The following KCNH6 variants were observed in gnomAD, a reference collection of about 807,000 sequenced individuals.
KCNH6 encodes the protein voltage-gated inwardly rectifying potassium channel KCNH6.
In KCNH6, 81 loss-of-function variants were observed where a neutral mutation model predicts 83.4. The observed-to-expected ratio is 0.97, with a 90% CI of 0.81 to 1.17. KCNH6 has a LOEUF of 1.17. Ranked by LOEUF, KCNH6 falls within the 50% of genes most tolerant of loss-of-function variation. The pLI is 0.00. For synonymous variants in KCNH6, 503 were observed against 545.6 expected (o/e 0.92, Z 1.09); for missense variants, 1,203 against 1,290.5 (o/e 0.93, Z 1.04).
chr17:63,524,467 A>C, intron 2 of KCNH6, 98 bp downstream of exon 2: 1 of 977,366 alleles, frequency 1.0e-6, no homozygotes, highest in Non-Finnish European at 1.6e-6. Flanking sequence ...CCAGGGTCCA[A>C]AGGGCCTGAA....
intron 6 of KCNH6, chr17:63,536,290 G>A: frequency 1.8e-6 from 1 of 564,862 alleles, no homozygotes; most frequent in Non-Finnish European, 3.1e-6. Context: ...CACCAAGACA[G>A]GCTACATAAT....
chr17:63,535,080 CTG>C lies in KCNH6; in HGVS notation c.1102-588_1102-587del, dbSNP rs2032393511. ...CCTACCTGACCCTGTGTTCCACCCT[CTG>C]GGGTGTACAGGGTCCTCAGAATTTT... is the stretch of plus-strand genomic sequence containing the variant. On this transcript the variant is annotated intron_variant, in intron 5 of 12. Transcript: ENST00000314672. The surrounding 1 kb of genome is among the most constrained non-coding windows in gnomAD (Gnocchi z 4.9). Among the ~76,000 whole-genome samples, 1 of 152,184 alleles carries C rather than the reference CTG, an allele frequency of 6.6e-6. No individual in the cohort carries two copies. Among genetic ancestry groups the C allele is most frequent in the South Asian group, 2.1e-4 (1 of 4,828 alleles).
rs764181239 is a variant in KCNH6, at chr17:63,523,901, C to T, written c.77-238C>T. Among the ~76,000 whole-genome samples the T allele has an allele frequency of 4.6e-5, 7 of 152,074 alleles. No individual in the cohort carries two copies. Among genetic ancestry groups the T allele is most frequent in the Non-Finnish European group, 1.0e-4 (7 of 68,008 alleles). ...GACCCCCATCTGGTCACATCCCTGC[C>T]TCCCTTCCCCACACTTTTCCTGTTT... On this transcript the variant is annotated intron_variant, in intron 1 of 12. Transcript: ENST00000314672. This position sits in a 1 kb window ranked among gnomAD's most constrained non-coding sequence, Gnocchi z 4.2.
Position 63,546,183 on chromosome 17 carries a change from G to A in KCNH6, c.*281G>A, listed in dbSNP as rs1279350099. On this transcript the variant is annotated 3_prime_UTR_variant, in exon 13 of 13. Coordinates refer to ENST00000314672, the MANE Select transcript of KCNH6 (RefSeq NM_001278919.2). The stretch of plus-strand genomic sequence containing the variant: ...TGAACCCGGGAGGTGGAGGTTGCAG[G>A]GAGCCGAGGCCGCACCACTGCACTC... 1 of 317,222 alleles carries A rather than the reference G, an allele frequency of 3.2e-6. No homozygotes were observed. Among genetic ancestry groups the A allele is most frequent in the Admixed American group, 4.2e-5 (1 of 23,680 alleles). 19.7% of individuals were successfully genotyped at this position (317,222 alleles called of 1,614,324 possible).
chr17:63,530,137 G>GGAC lies in KCNH6; in HGVS notation c.356_358dup (p.Asp119dup), dbSNP rs1568068515. 1 of 1,614,062 alleles carries GGAC rather than the reference G, an allele frequency of 6.2e-7. No homozygotes were observed. The highest frequency in any genetic ancestry group is 1.1e-5 in the South Asian group (1 of 91,062). Reference sequence around the variant, plus strand: ...TAGATGTGGTGCCCGTGAAGAACGAGGACGGGGCTGTCATCATGTTCATTC... The same window carrying GGAC: ...TAGATGTGGTGCCCGTGAAGAACGAGGACGACGGGGCTGTCATCATGTTCATTC... On this transcript the variant is annotated inframe_insertion, in exon 3 of 13. Coordinates refer to ENST00000314672, the MANE Select transcript of KCNH6 (RefSeq NM_001278919.2).
chr17:63,527,552 T>A (rs534262001), intron 2 of KCNH6, among the ~76,000 whole-genome samples: 2 of 152,120 alleles, frequency 1.3e-5, no homozygotes, highest in Admixed American at 1.3e-4. Flanking sequence ...TAAGAAGGAA[T>A]GGGAATTCCC....
rs2032346086 is a variant in KCNH6, at chr17:63,534,395, G to A, written c.1101+84G>A. ...CCCTCCCTGCTGCACAGCACTGGGT[G>A]CGGAGAGTATCTGGCACTGGGCACC... On this transcript the variant is annotated intron_variant, in intron 5 of 12. Coordinates refer to ENST00000314672, the MANE Select transcript of KCNH6 (RefSeq NM_001278919.2). This position sits in a 1 kb window ranked among gnomAD's most constrained non-coding sequence, Gnocchi z 5.0. 1.5e-6 allele frequency: 2 copies of A among 1,372,540 alleles called. No homozygotes were observed. The highest frequency in any genetic ancestry group is 2.0e-6 in the Non-Finnish European group (2 of 1,005,570). 85.0% of individuals were successfully genotyped at this position (1,372,540 alleles called of 1,614,324 possible).
At position 63,523,716 on chromosome 17, in the gene KCNH6, C is replaced by T. The variant is rs2031497080; in HGVS notation, c.76+227C>T. 6.6e-6 allele frequency among the ~76,000 whole-genome samples: 1 copy of T among 152,132 alleles called. No individual in the cohort carries two copies. Among genetic ancestry groups the T allele is most frequent in the Non-Finnish European group, 1.5e-5 (1 of 68,024 alleles). On this transcript the variant is annotated intron_variant, in intron 1 of 12. Coordinates refer to ENST00000314672, the MANE Select transcript of KCNH6 (RefSeq NM_001278919.2). The surrounding 1 kb of genome is among the most constrained non-coding windows in gnomAD (Gnocchi z 4.2). Reference sequence around the variant, plus strand: ...ACAAGGAGCAGCGTGCAGGCCTTCCCTCCCTACTGCCAGCTGTTTCCTTGG... The same window carrying T: ...ACAAGGAGCAGCGTGCAGGCCTTCCTTCCCTACTGCCAGCTGTTTCCTTGG...
intron 6 of KCNH6, among the ~76,000 whole-genome samples, chr17:63,536,943 ACTCCGT>A (rs2032536162): frequency 9.0e-6 from 1 of 111,144 alleles, no homozygotes; most frequent in Non-Finnish European, 1.7e-5. Context: ...ACAGAGCAAG[ACTCCGT>A]CTCAAAAAAA....
chr17:63,525,989 A>G (rs1345744305), intron 2 of KCNH6, among the ~76,000 whole-genome samples: 2 of 152,184 alleles, frequency 1.3e-5, no homozygotes, highest in African/African-American at 4.8e-5. Flanking sequence ...TAGGGATGTC[A>G]GGTGATGGCT....
In KCNH6 at chr17:63,538,041, G is replaced by C; in HGVS notation, c.1502-24G>C. The C allele has an allele frequency of 6.2e-7, 1 of 1,607,756 alleles. No individual in the cohort carries two copies. The highest frequency in any genetic ancestry group is 8.5e-7 in the Non-Finnish European group (1 of 1,178,090). On this transcript the variant is annotated intron_variant, in intron 6 of 12. Transcript: ENST00000314672. This position sits in a 1 kb window ranked among gnomAD's most constrained non-coding sequence, Gnocchi z 4.0. ...TGTGGCCCAGTGGGGCCGCGGAGGA[G>C]CTCACTCTCCGCCCCGCCCCCAGCC...
intron 8 of KCNH6, among the ~76,000 whole-genome samples, chr17:63,539,118 C>A (rs1053002566): frequency 2.6e-5 from 4 of 152,160 alleles, no homozygotes; most frequent in African/African-American, 7.2e-5. Flanking sequence ...GCAGGGGGGA[C>A]AGACAGGTCA....
chr17:63,548,036 T>C (rs1253367372), downstream of KCNH6, among the ~76,000 whole-genome samples: 1 of 148,046 alleles, frequency 6.8e-6, no homozygotes, highest in Non-Finnish European at 1.5e-5. Flanking sequence ...GAGGCTGAGG[T>C]GGGCAGATCA....
In KCNH6 at chr17:63,544,260, C is replaced by T; in HGVS notation, c.2245C>T (p.Pro749Ser). 1.3e-6 allele frequency: 2 copies of T among 1,586,928 alleles called. No homozygotes were observed. Among genetic ancestry groups the T allele is most frequent in the Non-Finnish European group, 1.7e-6 (2 of 1,165,168 alleles). ...TTTCCCTCCTGCAGATGCAGCCCCT[C>T]CCCTGAGCATCTCAGATGCATCTGG... The part of the protein sequence containing the change: ...LSDNQSDAAP[P>S]LSISDASGLW... The change falls in exon 11 of 13, where the codon CCC becomes TCC. Residue 749 changes from proline to serine, a missense_variant. Physicochemically the swap from Pro to Ser is moderately conservative, Grantham distance 74 (BLOSUM62 -1). Coordinates refer to ENST00000314672, the MANE Select transcript of KCNH6 (RefSeq NM_001278919.2).
rs867155821 is a variant in KCNH6, at chr17:63,538,504, G to T, written c.1796G>T (p.Gly599Val). 1 of 1,602,206 alleles carries T rather than the reference G, an allele frequency of 6.2e-7. No individual in the cohort carries two copies. The highest frequency in any genetic ancestry group is 1.7e-5 in the Admixed American group (1 of 58,314). ...LQHCPAFSGAGKGCLRALAVK... is the reference protein window; with the variant it reads ...LQHCPAFSGAVKGCLRALAVK... ...CACTGCCCAGCTTTCAGCGGCGCCGGCAAGGGCTGCCTGCGCGCGCTAGCC... is the reference window on the plus strand; with the variant it reads ...CACTGCCCAGCTTTCAGCGGCGCCGTCAAGGGCTGCCTGCGCGCGCTAGCC... Residue 599 changes from glycine to valine, a missense_variant, in exon 8 of 13, where the codon GGC becomes GTC. Coordinates refer to ENST00000314672, the MANE Select transcript of KCNH6 (RefSeq NM_001278919.2). This position sits in a 1 kb window ranked among gnomAD's most constrained non-coding sequence, Gnocchi z 4.0.
At chr17:63,529,917 G>A (rs1288720408) in intron 2 of KCNH6, among the ~76,000 whole-genome samples, 174 bp from the exon 3 acceptor site, 1 of 152,218 alleles carries the variant, frequency 6.6e-6, no homozygotes, top group Non-Finnish European at 1.5e-5. Context: ...TGTGGGTGGA[G>A]CACCAGCTGA....
At chr17:63,527,210 G>A (rs1455598942) in intron 2 of KCNH6, among the ~76,000 whole-genome samples, 1 of 152,202 alleles carries the variant, frequency 6.6e-6, no homozygotes, top group Non-Finnish European at 1.5e-5. Flanking sequence ...GATGGGACAA[G>A]GGGCTGCTGT....
chr17:63,530,112 T>C lies in KCNH6; in HGVS notation c.329T>C (p.Val110Ala), dbSNP rs1401766860. The change falls in exon 3 of 13, where the codon GTA becomes GCA. Residue 110 changes from valine (V) to alanine (A), a missense_variant. By Grantham distance (64) the Val-to-Ala change is moderately conservative. Transcript: ENST00000314672. ...RKDASSFRCLVDVVPVKNEDG... is the reference protein window; with the variant it reads ...RKDASSFRCLADVVPVKNEDG... ...GCAGCCTCCAGCTTCCGCTGCCTGG[T>C]AGATGTGGTGCCCGTGAAGAACGAG... The C allele has an allele frequency of 2.5e-6, 4 of 1,613,684 alleles. No individual in the cohort carries two copies. Among genetic ancestry groups the C allele is most frequent in the Non-Finnish European group, 3.4e-6 (4 of 1,180,032 alleles).
Position 63,523,364 on chromosome 17 carries a change from G to GC in KCNH6, c.-48dup, listed in dbSNP as rs1486470654. ...GCTGAGCCCGAGGACAGACGGAGAC[G>GC]CCGGGAGCCAGTGGCGCCTGTGGCT... On this transcript the variant is annotated 5_prime_UTR_variant, in exon 1 of 13. Coordinates refer to ENST00000314672, the MANE Select transcript of KCNH6 (RefSeq NM_001278919.2). The surrounding 1 kb of genome is among the most constrained non-coding windows in gnomAD (Gnocchi z 4.2). The GC allele has an allele frequency of 2.0e-5, 31 of 1,522,820 alleles. No individual in the cohort carries two copies. The highest frequency in any genetic ancestry group is 2.6e-5 in the Non-Finnish European group (30 of 1,132,412). The allele number at this position is 1,522,820 out of a possible 1,614,324, so 94.3% of individuals were successfully genotyped here.
Sources: allele counts gnomAD v4.1 joint callset (sites outside exome capture counted in the v4.1 genomes callset), GRCh38; gene constraint gnomAD v4.1.1; non-coding constraint Gnocchi (gnomAD v3.1); transcripts MANE v1.5; gene names NCBI Gene and HGNC (gene_info 2026-07-23, HGNC 2026-07-21).